The following ASIC2 variants were observed in gnomAD, a reference collection of about 807,000 sequenced individuals.
ASIC2 encodes the protein acid-sensing ion channel 2.
ASIC2 carries 25 observed loss-of-function variants against 57.3 expected under a neutral mutation model. The ratio of observed to expected loss-of-function variants is 0.44; its 90% CI spans 0.32 to 0.61. The LOEUF is 0.61. ASIC2 is among the 20% of genes least tolerant of loss of function. The pLI, the probability that ASIC2 is intolerant of heterozygous loss-of-function variation, is 0.06. For synonymous variants in ASIC2, 319 were observed against 307.5 expected (o/e 1.04, Z -0.39); for missense variants, 641 against 738.1 (o/e 0.87, Z 1.52).
At chr17:34,047,858 C>T (rs561705456) in intron 1 of ASIC2, among the ~76,000 whole-genome samples, 1 of 152,274 alleles carries the variant, frequency 6.6e-6, no homozygotes, top group East Asian at 1.9e-4. Context: ...AAGCATGGTC[C>T]CCACTCGGAC....
Position 33,248,924 on chromosome 17 carries a change from T to C in ASIC2, c.708+42484A>G, listed in dbSNP as rs540722259. The stretch of plus-strand genomic sequence containing the variant: ...TTTACAGCTTCCTGGGGTTGGTACT[T>C]GGTATTTTTGGGGTCCATGACCCAG... On this transcript the variant is annotated intron_variant, in intron 1 of 9. Coordinates refer to ENST00000225823, the MANE Select transcript of ASIC2 (RefSeq NM_183377.2). 4.9e-3 allele frequency among the ~76,000 whole-genome samples: 749 copies of C among 152,134 alleles called. 2 individuals are homozygous for C. Among genetic ancestry groups the C allele is most frequent in the Non-Finnish European group, 8.0e-3 (546 of 67,976 alleles).
At chr17:33,850,271 A>T (rs547984676) in intron 1 of ASIC2, among the ~76,000 whole-genome samples, 2 of 152,350 alleles carry the variant, frequency 1.3e-5, no homozygotes, top group South Asian at 4.1e-4. Context: ...CTGCATGTTC[A>T]TGAAAACTTC....
At chr17:34,018,049 C>A (rs1907029477) in intron 1 of ASIC2, among the ~76,000 whole-genome samples, 1 of 152,198 alleles carries the variant, frequency 6.6e-6, no homozygotes, top group Non-Finnish European at 1.5e-5. Context: ...CCATCTAGGA[C>A]TTCCATAACC....
chr17:33,717,123 T>G (rs1198656361), intron 1 of ASIC2, among the ~76,000 whole-genome samples: 1 of 152,240 alleles, frequency 6.6e-6, no homozygotes, highest in East Asian at 1.9e-4. Context: ...AAAGTGAGAC[T>G]TTGATGTCAG....
chr17:34,019,437 T>C (rs1907079595), intron 1 of ASIC2, among the ~76,000 whole-genome samples: 2 of 152,150 alleles, frequency 1.3e-5, no homozygotes, highest in Non-Finnish European at 2.9e-5. Context: ...CAAACTTCAG[T>C]GTTGTCTTAT....
At chr17:33,856,418 C>T (rs1201114290) in intron 1 of ASIC2, among the ~76,000 whole-genome samples, 205 of 19,762 alleles carry the variant, frequency 0.01, no homozygotes, top group African/African-American at 0.025. Context: ...TCAGTAGTAA[C>T]AGTAGTACTA....
chr17:33,472,451 G>C (rs1913087240), intron 1 of ASIC2, among the ~76,000 whole-genome samples: 1 of 152,172 alleles, frequency 6.6e-6, no homozygotes. Context: ...TACAGGGGAG[G>C]ATGCACATGC....
intron 1 of ASIC2, among the ~76,000 whole-genome samples, chr17:34,068,779 G>T (rs1909272045): frequency 2.0e-5 from 3 of 152,202 alleles, no homozygotes. Flanking sequence ...CCCAGGCCTG[G>T]CATGGTATTG....
intron 3 of ASIC2, among the ~76,000 whole-genome samples, chr17:33,067,180 G>A (rs1270941490): frequency 1.3e-5 from 2 of 152,174 alleles, no homozygotes; most frequent in African/African-American, 4.8e-5. Context: ...AAATGGCCAA[G>A]CCTAGGCAAG....
intron 1 of ASIC2, among the ~76,000 whole-genome samples, chr17:33,595,241 TA>T (rs1281172011): frequency 6.6e-6 from 1 of 152,062 alleles, no homozygotes; most frequent in Non-Finnish European, 1.5e-5. Flanking sequence ...AATGAAAAAT[TA>T]AAAAAGGTAG....
At chr17:33,476,096 A>G (rs1393471454) in intron 1 of ASIC2, among the ~76,000 whole-genome samples, 9 of 152,232 alleles carry the variant, frequency 5.9e-5, no homozygotes, top group African/African-American at 1.4e-4. Flanking sequence ...TTTAGACTTC[A>G]TAGTCCACAC....
intron 1 of ASIC2, among the ~76,000 whole-genome samples, chr17:33,303,372 G>A (rs568749140): frequency 6.6e-6 from 1 of 152,266 alleles, no homozygotes; most frequent in African/African-American, 2.4e-5. Flanking sequence ...TGTCACCATC[G>A]GGACAGAACT....
intron 1 of ASIC2, among the ~76,000 whole-genome samples, chr17:33,476,815 C>A (rs1416461808): frequency 6.6e-6 from 1 of 152,040 alleles, no homozygotes; most frequent in Non-Finnish European, 1.5e-5. Flanking sequence ...AGAGATGCGA[C>A]CTCTCATGCC....
chr17:33,108,870 T>G (rs1027587842), intron 2 of ASIC2, among the ~76,000 whole-genome samples: 1 of 151,980 alleles, frequency 6.6e-6, no homozygotes, highest in Admixed American at 6.6e-5. Context: ...GAATATGGAA[T>G]AGTATGACCC....
At chr17:33,952,389 A>G (rs1433019219) in intron 1 of ASIC2, among the ~76,000 whole-genome samples, 3 of 152,210 alleles carry the variant, frequency 2.0e-5, no homozygotes, top group Non-Finnish European at 4.4e-5. Context: ...GATCCTAGGC[A>G]AGGTACTTCG....
At chr17:33,919,032 T>C (rs1193096447) in intron 1 of ASIC2, among the ~76,000 whole-genome samples, 1 of 152,028 alleles carries the variant, frequency 6.6e-6, no homozygotes, top group Non-Finnish European at 1.5e-5. Context: ...TGTGCCATGA[T>C]CCCCACCTGC....
chr17:33,087,634 G>A (rs1400793494), intron 3 of ASIC2, among the ~76,000 whole-genome samples: 1 of 140,870 alleles, frequency 7.1e-6, no homozygotes, highest in East Asian at 2.2e-4. Flanking sequence ...CTTGAGGGCA[G>A]TGGTGCAATC....
intron 1 of ASIC2, among the ~76,000 whole-genome samples, chr17:33,805,714 G>A (rs1912249227): frequency 1.3e-5 from 2 of 152,110 alleles, no homozygotes; most frequent in South Asian, 4.1e-4. Context: ...CCTTTCAGAA[G>A]GTCACGATGG....
intron 1 of ASIC2, among the ~76,000 whole-genome samples, chr17:33,179,005 T>C (rs992227500): frequency 6.6e-6 from 1 of 152,126 alleles, no homozygotes; most frequent in Admixed American, 6.5e-5. Context: ...GCATGAGAAA[T>C]GGAAGCTCAC....
Sources: allele counts gnomAD v4.1 joint callset (sites outside exome capture counted in the v4.1 genomes callset), GRCh38; gene constraint gnomAD v4.1.1; transcripts MANE v1.5; gene names NCBI Gene and HGNC (gene_info 2026-07-23, HGNC 2026-07-21).